Variants in PLXNA2 observed in about 807,000 individuals in gnomAD.
The protein encoded by PLXNA2 is plexin A2.
Under a neutral mutation model 193.5 loss-of-function variants are expected in PLXNA2, and 91 were observed. The observed-to-expected ratio is 0.47, with a 90% CI of 0.40 to 0.56. The LOEUF is 0.56. PLXNA2 is among the 20% of genes least tolerant of loss of function. PLXNA2 has a pLI of 0.00. For missense variants in PLXNA2, 1,995 were observed against 2,503.2 expected, an observed-to-expected ratio of 0.80 and a Z score of 4.33; for synonymous variants, 997 against 1,027.3, an observed-to-expected ratio of 0.97 and a Z score of 0.56.
intron 8 of PLXNA2, among the ~76,000 whole-genome samples, chr1:208,094,918 G>A (rs1474430177): frequency 6.6e-6 from 1 of 152,136 alleles, no homozygotes; most frequent in Non-Finnish European, 1.5e-5. Flanking sequence ...ATTCCTTTAG[G>A]GTTTAGCTGC....
At chr1:208,055,109 G>T (rs749756477) in intron 13 of PLXNA2, among the ~76,000 whole-genome samples, 3 of 152,140 alleles carry the variant, frequency 2.0e-5, no homozygotes, top group African/African-American at 7.2e-5. Context: ...GAGTCCTGCC[G>T]CAGTAGGCAA....
At chr1:208,132,239 G>C (rs1332638043) in intron 4 of PLXNA2, among the ~76,000 whole-genome samples, 2 of 152,204 alleles carry the variant, frequency 1.3e-5, no homozygotes, top group Non-Finnish European at 2.9e-5. Flanking sequence ...GGTGTCAAAT[G>C]AGGAGTTACT....
At chr1:208,077,604 G>C (rs975562453) in intron 12 of PLXNA2, among the ~76,000 whole-genome samples, 2 of 152,172 alleles carry the variant, frequency 1.3e-5, no homozygotes, top group African/African-American at 4.8e-5. Context: ...AAGAATTACA[G>C]AACAGTGCAA....
At chr1:208,179,476 C>T (rs1220738055) in intron 3 of PLXNA2, among the ~76,000 whole-genome samples, 1 of 152,162 alleles carries the variant, frequency 6.6e-6, no homozygotes, top group Non-Finnish European at 1.5e-5. Context: ...AACCTCCTCC[C>T]TCCTGGCATA....
At chr1:208,237,117 C>T (rs1325900188) in intron 1 of PLXNA2, among the ~76,000 whole-genome samples, 2 of 152,222 alleles carry the variant, frequency 1.3e-5, no homozygotes, top group Admixed American at 6.5e-5. Context: ...GCTACCTTCT[C>T]TTTGAGTTGA....
At chr1:208,210,955 C>T (rs978679085) in intron 2 of PLXNA2, among the ~76,000 whole-genome samples, 8 of 152,134 alleles carry the variant, frequency 5.3e-5, no homozygotes, top group Non-Finnish European at 1.2e-4. Context: ...AAATTTTAGG[C>T]CATTCAACTA....
At position 208,027,344 on chromosome 1, in the gene PLXNA2, G is replaced by A. The variant is rs750030294; in HGVS notation, c.5590-6C>T. On this transcript the variant is annotated splice_polypyrimidine_tract_variant and splice_region_variant and intron_variant, in intron 31 of 31. Coordinates refer to ENST00000367033, the MANE Select transcript of PLXNA2 (RefSeq NM_025179.4). The stretch of plus-strand genomic sequence containing the variant: ...TGCTCTAGGGCCCCGATGAGCTGAG[G>A]AGCAAAAACAAAGGCAGGAAGACTT... 1.9e-6 allele frequency: 3 copies of A among 1,611,206 alleles called. No individual in the cohort carries two copies. The Admixed American group carries it at 5.0e-5, about 27-fold the overall frequency.
intron 29 of PLXNA2, chr1:208,030,179 G>C (rs898490694): frequency 4.1e-6 from 4 of 985,418 alleles, no homozygotes; most frequent in Admixed American, 1.2e-4. Context: ...CTGCAGCTGA[G>C]AGCTGACTCA....
At chr1:208,039,111 T>G (rs1664771088) in intron 24 of PLXNA2, 127 bp from the exon 25 acceptor site, 3 of 797,050 alleles carry the variant, frequency 3.8e-6, no homozygotes, top group Non-Finnish European at 3.9e-6. Context: ...AGGGTACTTT[T>G]CTGGTCTGTG....
intron 3 of PLXNA2, among the ~76,000 whole-genome samples, chr1:208,156,916 A>T (rs1668957565): frequency 6.6e-6 from 1 of 152,078 alleles, no homozygotes; most frequent in African/African-American, 2.4e-5. Flanking sequence ...TCATATACTT[A>T]TTTTTCAGCA....
chr1:208,150,166 G>A (rs1224433240), intron 3 of PLXNA2, among the ~76,000 whole-genome samples: 1 of 152,142 alleles, frequency 6.6e-6, no homozygotes, highest in Non-Finnish European at 1.5e-5. Flanking sequence ...GATGTTCTAA[G>A]ATTTGAGAAT....
intron 12 of PLXNA2, among the ~76,000 whole-genome samples, chr1:208,072,404 T>C (rs1666004477): frequency 6.6e-6 from 1 of 152,198 alleles, no homozygotes; most frequent in Non-Finnish European, 1.5e-5. Flanking sequence ...GGTGGGTTCC[T>C]GGTCACACCA....
chr1:208,043,839 T>A (rs951646256), intron 20 of PLXNA2, among the ~76,000 whole-genome samples: 3 of 152,228 alleles, frequency 2.0e-5, no homozygotes, highest in Non-Finnish European at 4.4e-5. Context: ...GATCTTGACA[T>A]TTGCAGCAAA....
intron 29 of PLXNA2, chr1:208,030,223 G>A (rs1664457021): frequency 1.0e-6 from 1 of 985,398 alleles, no homozygotes; most frequent in African/African-American, 1.7e-5. Context: ...TGGCAGCCTT[G>A]GGTAGTTTCT....
chr1:208,117,461 T>G (rs1667672641), intron 4 of PLXNA2, among the ~76,000 whole-genome samples: 1 of 152,202 alleles, frequency 6.6e-6, no homozygotes. Flanking sequence ...AGGGCTGGCC[T>G]GAAGCATTTT....
At chr1:208,182,545 C>T (rs894237701) in intron 3 of PLXNA2, among the ~76,000 whole-genome samples, 3 of 152,076 alleles carry the variant, frequency 2.0e-5, no homozygotes, top group South Asian at 4.1e-4. Flanking sequence ...TCTGCCCATG[C>T]GAGTGGCAAT....
chr1:208,065,591 G>A (rs1171123726), intron 12 of PLXNA2, among the ~76,000 whole-genome samples: 2 of 152,210 alleles, frequency 1.3e-5, no homozygotes, highest in Admixed American at 6.5e-5. Flanking sequence ...AGAATTGGCA[G>A]GGTTAGAGAT....
chr1:208,042,221 G>A lies in PLXNA2; in HGVS notation c.4163C>T (p.Ser1388Leu). The A allele has an allele frequency of 6.2e-7, 1 of 1,614,232 alleles. No homozygotes were observed. The highest frequency in any genetic ancestry group is 8.5e-7 in the Non-Finnish European group (1 of 1,180,034). ...FSMRDRGNVA[S>L]LIMTGLQGRL... Reference sequence around the variant, plus strand: ...GCCCTGCAGGCCGGTCATGATGAGCGAAGCCACGTTGCCCCGGTCGCGCAT... The same window carrying A: ...GCCCTGCAGGCCGGTCATGATGAGCAAAGCCACGTTGCCCCGGTCGCGCAT... The change falls in exon 22 of 32, where the codon TCG becomes TTG. Residue 1388 changes from serine (S) to leucine (L), a missense_variant. Around this residue, in one of 3 missense-constraint regions of PLXNA2, gnomAD observed 1,291 missense variants for 1,673.6 expected, o/e 0.77. Transcript: ENST00000367033.
intron 3 of PLXNA2, among the ~76,000 whole-genome samples, chr1:208,202,661 A>G (rs1433426700): frequency 6.6e-6 from 1 of 152,184 alleles, no homozygotes; most frequent in East Asian, 1.9e-4. Context: ...GTATTTTCCT[A>G]AAGATAAGAC....
Sources: gnomAD v4.1 joint callset for allele counts (sites outside exome capture counted in the v4.1 genomes callset) on GRCh38, gnomAD v4.1.1 for gene constraint, gnomAD v4.1.1 regional missense constraint, MANE v1.5 for transcripts, NCBI Gene and HGNC (gene_info 2026-07-23, HGNC 2026-07-21) for gene names.